The following SCN11A variants were observed in gnomAD, a reference collection of about 807,000 sequenced individuals.
The protein encoded by SCN11A is sodium voltage-gated channel alpha subunit 11, also known as sodium channel protein type 11 subunit alpha.
Under a neutral mutation model 162.2 loss-of-function variants are expected in SCN11A, and 122 were observed. That is an observed-to-expected ratio of 0.75 (90% CI 0.65 to 0.87). The LOEUF (loss-of-function observed/expected upper bound fraction) is 0.87. Ranked by LOEUF, SCN11A falls within the 40% of genes least tolerant of loss-of-function variation. The pLI is 0.00. For synonymous variants in SCN11A, 758 were observed against 751.5 expected (o/e 1.01, Z -0.14); for missense variants, 2,015 against 2,181.6 (o/e 0.92, Z 1.52).
At chr3:38,869,979 T>C (rs998177903) in intron 26 of SCN11A, among the ~76,000 whole-genome samples, 1 of 152,188 alleles carries the variant, frequency 6.6e-6, no homozygotes, top group African/African-American at 2.4e-5. Context: ...GCATCAACTC[T>C]GCAGACTCCC....
intron 2 of SCN11A, among the ~76,000 whole-genome samples, chr3:39,026,418 G>A (rs549535396): frequency 3.9e-5 from 6 of 152,276 alleles, no homozygotes; most frequent in South Asian, 2.1e-4. Flanking sequence ...TCGCCGGGTC[G>A]TGGGAGTTCT....
In SCN11A at chr3:38,950,118, T is replaced by A. The variant is rs1440146844; in HGVS notation, c.245A>T (p.Asp82Val). ...ELIGKPLEDL[D>V]PFYRNHKTFM... is the part of the protein sequence containing the mutation. The stretch of plus-strand genomic sequence containing the variant: ...TACCTTATGATTTCGGTAGAATGGG[T>A]CCAAGTCTTCCAGAGGCTTTCCTAT... Residue 82 changes from aspartate to valine, a missense_variant, in exon 5 of 30, where the codon GAC becomes GTC. Transcript: ENST00000302328. 1 of 1,368,842 alleles carries A rather than the reference T, an allele frequency of 7.3e-7. No individual in the cohort carries two copies. The highest frequency in any genetic ancestry group is 2.1e-5 in the Admixed American group (1 of 47,614). 84.8% of individuals were successfully genotyped at this position (1,368,842 alleles called of 1,614,324 possible).
In SCN11A at chr3:38,899,970, G is replaced by A; in HGVS notation, c.1946C>T (p.Ala649Val). Residue 649 changes from alanine (A) to valine (V), a missense_variant, in exon 17 of 30, where the codon GCT (alanine) becomes GTT (valine). Physicochemically the swap from Ala to Val is moderately conservative, Grantham distance 64 (BLOSUM62 0). Transcript: ENST00000302328. Reference sequence around the variant, plus strand: ...CATTACATCTGCAAAACTCAGAAGAGCAACAATGCTGTCAAAAATGTTCCA... The same window carrying A: ...CATTACATCTGCAAAACTCAGAAGAACAACAATGCTGTCAAAAATGTTCCA... ...RGWNIFDSIVALLSFADVMNC... is the reference protein window; with the variant it reads ...RGWNIFDSIVVLLSFADVMNC... 6.2e-7 allele frequency: 1 copy of A among 1,614,072 alleles called. No individual in the cohort carries two copies. The highest frequency in any genetic ancestry group is 1.1e-5 in the South Asian group (1 of 91,080).
chr3:38,893,104 A>G (rs2065527648), intron 19 of SCN11A, among the ~76,000 whole-genome samples: 1 of 152,156 alleles, frequency 6.6e-6, no homozygotes, highest in Non-Finnish European at 1.5e-5. Context: ...CCAATTATAC[A>G]CTGTCTGCAG....
intron 23 of SCN11A, among the ~76,000 whole-genome samples, chr3:38,878,053 A>T (rs2065248601): frequency 6.6e-6 from 1 of 151,810 alleles, no homozygotes; most frequent in Non-Finnish European, 1.5e-5. Flanking sequence ...AAAAGACTAC[A>T]TTAGGTACAG....
rs79228026 is a variant in SCN11A, at chr3:39,030,344, C to T, written c.-280+2036G>A. 8.5e-5 allele frequency among the ~76,000 whole-genome samples: 13 copies of T among 152,230 alleles called. No homozygotes were observed. The East Asian group carries it at 2.3e-3, about 27-fold the overall frequency. Reference sequence around the variant, plus strand: ...GTGCAGCCCTAGGCACTGGGATTCCCGGTCCTAACAAAAAATCCCAGTCTC... The same window carrying T: ...GTGCAGCCCTAGGCACTGGGATTCCTGGTCCTAACAAAAAATCCCAGTCTC... On this transcript the variant is annotated intron_variant, in intron 2 of 29. Coordinates refer to ENST00000302328, the MANE Select transcript of SCN11A (RefSeq NM_001349253.2).
At chr3:38,955,127 A>G (rs1268655329) in intron 3 of SCN11A, among the ~76,000 whole-genome samples, 1 of 152,222 alleles carries the variant, frequency 6.6e-6, no homozygotes. Flanking sequence ...CATCTCTACT[A>G]AAAATGAAAA....
intron 2 of SCN11A, among the ~76,000 whole-genome samples, chr3:39,004,897 C>T (rs950352828): frequency 2.0e-5 from 3 of 152,108 alleles, no homozygotes; most frequent in Non-Finnish European, 4.4e-5. Context: ...TCTGAGACAC[C>T]GAATTGTAGA....
intron 28 of SCN11A, among the ~76,000 whole-genome samples, chr3:38,853,722 A>C (rs2064821543): frequency 6.6e-6 from 1 of 152,188 alleles, no homozygotes; most frequent in Non-Finnish European, 1.5e-5. Context: ...AAACCTCCAA[A>C]TTATCTGCAT....
intron 2 of SCN11A, among the ~76,000 whole-genome samples, chr3:39,031,543 A>AAC (rs2031751203): frequency 1.4e-5 from 2 of 139,978 alleles, no homozygotes; most frequent in African/African-American, 6.0e-5. Flanking sequence ...ACAAACAAAC[A>AAC]AAAAAAAAAC....
At chr3:39,025,191 G>C (rs1303285725) in intron 2 of SCN11A, among the ~76,000 whole-genome samples, 3 of 152,144 alleles carry the variant, frequency 2.0e-5, no homozygotes, top group African/African-American at 7.2e-5. Context: ...AGGGGTGGGA[G>C]ACAGGAGAGC....
chr3:38,907,897 C>A, intron 14 of SCN11A, 52 bp downstream of exon 14: 1 of 1,462,906 alleles, frequency 6.8e-7, no homozygotes, highest in Non-Finnish European at 9.2e-7. Context: ...GCAATTGGAC[C>A]TGTCCCCCTG....
At chr3:38,865,943 T>C (rs757011834) in intron 27 of SCN11A, among the ~76,000 whole-genome samples, 19 of 152,108 alleles carry the variant, frequency 1.2e-4, no homozygotes, top group Non-Finnish European at 2.6e-4. Flanking sequence ...AACCATGCAT[T>C]TTCATATTCT....
chr3:38,957,476 A>G (rs1282919517), intron 3 of SCN11A, among the ~76,000 whole-genome samples: 1 of 152,180 alleles, frequency 6.6e-6, no homozygotes, highest in African/African-American at 2.4e-5. Flanking sequence ...GAAGGAAACA[A>G]GCAGAATCTC....
At chr3:38,915,746 GC>G (rs2125543233) in intron 11 of SCN11A, among the ~76,000 whole-genome samples, 1 of 152,236 alleles carries the variant, frequency 6.6e-6, no homozygotes, top group East Asian at 1.9e-4. Context: ...TAGAGTATGG[GC>G]CATGTGGTGA....
intron 7 of SCN11A, among the ~76,000 whole-genome samples, chr3:38,927,210 C>A (rs898700644): frequency 6.6e-6 from 1 of 152,134 alleles, no homozygotes; most frequent in African/African-American, 2.4e-5. Flanking sequence ...ACATGAGACC[C>A]AAGCACTGGA....
chr3:38,851,388 T>C (rs2064776216), intron 28 of SCN11A, among the ~76,000 whole-genome samples: 1 of 152,200 alleles, frequency 6.6e-6, no homozygotes, highest in Non-Finnish European at 1.5e-5. Flanking sequence ...ATTTATACTA[T>C]AACTGAGGGT....
intron 7 of SCN11A, among the ~76,000 whole-genome samples, chr3:38,940,517 A>G (rs2066425341): frequency 6.6e-6 from 1 of 152,250 alleles, no homozygotes; most frequent in East Asian, 1.9e-4. Context: ...AAGTCCAGAA[A>G]TAGATCTGAA....
intron 2 of SCN11A, among the ~76,000 whole-genome samples, chr3:38,965,839 G>A (rs73068595): frequency 0.14 from 20,818 of 152,018 alleles, 1,658 homozygotes; most frequent in East Asian, 0.24. Context: ...CGAGGCCTGG[G>A]TATGGTGGTG....
Sources: allele counts gnomAD v4.1 joint callset (sites outside exome capture counted in the v4.1 genomes callset), GRCh38; gene constraint gnomAD v4.1.1; transcripts MANE v1.5; gene names NCBI Gene and HGNC (gene_info 2026-07-23, HGNC 2026-07-21).